GUCY1A1: variants seen among roughly 807,000 people sequenced by gnomAD.
GUCY1A1 encodes the protein guanylate cyclase soluble subunit alpha-1.
A neutral mutation model predicts 64.5 loss-of-function variants in GUCY1A1; 48 were observed. The ratio of observed to expected loss-of-function variants is 0.74; its 90% CI spans 0.59 to 0.95. The LOEUF (loss-of-function observed/expected upper bound fraction) is 0.95. Among genes scored for constraint, GUCY1A1 ranks in the 40% least tolerant of loss-of-function variants. GUCY1A1 has a pLI of 0.00. For missense variants in GUCY1A1, 804 were observed against 825.3 expected (o/e 0.97, Z 0.32); for synonymous variants, 308 against 303.4 (o/e 1.02, Z -0.16).
chr4:155,674,363 A>AG (rs1734592963), intron 2 of GUCY1A1, among the ~76,000 whole-genome samples: 2 of 150,964 alleles, frequency 1.3e-5, no homozygotes, highest in Non-Finnish European at 2.9e-5. Context: ...AAAAAAAAAA[A>AG]AGAAAGAAAG....
rs1421196439 is a variant in GUCY1A1 at position 155,731,228 on chromosome 4, C to T, written c.*997C>T. On this transcript the variant is annotated 3_prime_UTR_variant, in exon 10 of 10. Coordinates refer to ENST00000506455, the MANE Select transcript of GUCY1A1 (RefSeq NM_001130682.3). Reference sequence around the variant, plus strand: ...AGACATCTTCTATTGCCATGCTGAGCTGTTTAAAGTTTTAAGAAGAAAATC... The same window carrying T: ...AGACATCTTCTATTGCCATGCTGAGTTGTTTAAAGTTTTAAGAAGAAAATC... 2 of 151,830 alleles carry T rather than the reference C, an allele frequency of 1.3e-5. No individual in the cohort carries two copies. Among genetic ancestry groups the T allele is most frequent in the African/African-American group, 2.4e-5 (1 of 41,394 alleles). The allele number at this position is 151,830 out of a possible 1,614,324, so 9.4% of individuals were successfully genotyped here.
chr4:155,706,645 A>G (rs1731810667), intron 4 of GUCY1A1, among the ~76,000 whole-genome samples: 1 of 151,756 alleles, frequency 6.6e-6, no homozygotes, highest in African/African-American at 2.4e-5. Context: ...ATATGTATGA[A>G]CTCATGCTGG....
At chr4:155,705,608 C>T (rs1011756078) in intron 4 of GUCY1A1, among the ~76,000 whole-genome samples, 8 of 150,928 alleles carry the variant, frequency 5.3e-5, no homozygotes, top group Non-Finnish European at 1.0e-4. Context: ...TTTATTTGGT[C>T]TATAAATAAT....
chr4:155,667,020 A>G, intron 1 of GUCY1A1, 55 bp downstream of exon 1: 1 of 152,370 alleles, frequency 6.6e-6, no homozygotes, highest in Non-Finnish European at 1.5e-5. Flanking sequence ...GAAGGGGAGG[A>G]GGCGGGCAGA....
At chr4:155,716,775 T>C (rs1454157404) in intron 7 of GUCY1A1, among the ~76,000 whole-genome samples, 4 of 152,114 alleles carry the variant, frequency 2.6e-5, no homozygotes, top group Non-Finnish European at 5.9e-5. Flanking sequence ...GAGGAGGATA[T>C]AAAACGAGTA....
At chr4:155,721,849 C>G (rs1329451744) in intron 8 of GUCY1A1, among the ~76,000 whole-genome samples, 189 bp from the exon 9 acceptor site, 1 of 152,056 alleles carries the variant, frequency 6.6e-6, no homozygotes, top group African/African-American at 2.4e-5. Context: ...AGAAGTGTGA[C>G]TGTTGATTCT....
rs180750206 is a variant in GUCY1A1, at chr4:155,669,275, A to G, written c.-113+1856A>G. Among the ~76,000 whole-genome samples the G allele has an allele frequency of 1.0e-3, 155 of 152,178 alleles. No individual in the cohort carries two copies. The South Asian group carries it at 0.015, about 14-fold the overall frequency. Reference sequence around the variant, plus strand: ...AGGTATATTTATACTTTATATTGTAAGATCTCTTTCTATTATACGACAGAA... The same window carrying G: ...AGGTATATTTATACTTTATATTGTAGGATCTCTTTCTATTATACGACAGAA... On this transcript the variant is annotated intron_variant, in intron 2 of 9. Transcript: ENST00000506455.
intron 3 of GUCY1A1, among the ~76,000 whole-genome samples, chr4:155,698,032 T>A (rs1730636126): frequency 6.6e-6 from 1 of 152,318 alleles, no homozygotes; most frequent in African/African-American, 2.4e-5. Context: ...CTCTACTGTG[T>A]GCAAAGCACC....
intron 8 of GUCY1A1, among the ~76,000 whole-genome samples, chr4:155,719,890 T>C (rs1231463247): frequency 6.6e-6 from 1 of 152,196 alleles, no homozygotes; most frequent in Non-Finnish European, 1.5e-5. Context: ...ATTCAAACTT[T>C]TCCCGGGAGC....
chr4:155,736,933 T>G lies in GUCY1A1; in HGVS notation c.*6702T>G, dbSNP rs1736111368. On this transcript the variant is annotated 3_prime_UTR_variant, in exon 10 of 10. Transcript: ENST00000506455. Reference sequence around the variant, plus strand: ...CTTTAAATGACATATTTATTTCGAGTTTTACTTCTGGCTGAGTTGCAAAGT... The same window carrying G: ...CTTTAAATGACATATTTATTTCGAGGTTTACTTCTGGCTGAGTTGCAAAGT... The G allele has an allele frequency of 6.6e-6, 1 of 151,930 alleles. No homozygotes were observed. Among genetic ancestry groups the G allele is most frequent in the Non-Finnish European group, 1.5e-5 (1 of 67,942 alleles). The allele number at this position is 151,930 out of a possible 1,614,324, so 9.4% of individuals were successfully genotyped here.
chr4:155,696,965 C>T lies in GUCY1A1; in HGVS notation c.98C>T (p.Ala33Val), dbSNP rs1387009331. The stretch of plus-strand genomic sequence containing the variant: ...GTTCCTAACGAGTCTTCAGAGGAGG[C>T]AGCAGGAAGCTCAGAGAGCTGCAAA... ...GQVPNESSEE[A>V]AGSSESCKAT... is the part of the protein sequence containing the mutation. Residue 33 changes from alanine to valine, a missense_variant, in exon 3 of 10, where the codon GCA (alanine) becomes GTA (valine). Coordinates refer to ENST00000506455, the MANE Select transcript of GUCY1A1 (RefSeq NM_001130682.3). The T allele has an allele frequency of 2.5e-6, 4 of 1,613,136 alleles. No homozygotes were observed. The highest frequency in any genetic ancestry group is 1.6e-4 in the Middle Eastern group (1 of 6,082).
chr4:155,702,009 A>ATCATTCATTCAT lies in GUCY1A1; in HGVS notation c.256-1903_256-1892dup, dbSNP rs34961017. The stretch of plus-strand genomic sequence containing the variant: ...GACTTTGAATAGCTGGCAGGTGGAC[A>ATCATTCATTCAT]TCATTCATTCATTCATTCATTCATT... On this transcript the variant is annotated intron_variant, in intron 3 of 9. Coordinates refer to ENST00000506455, the MANE Select transcript of GUCY1A1 (RefSeq NM_001130682.3). Among the ~76,000 whole-genome samples the ATCATTCATTCAT allele has an allele frequency of 6.4e-4, 97 of 150,906 alleles. 1 individual carries two copies. The highest frequency in any genetic ancestry group is 2.3e-3 in the African/African-American group (94 of 41,102).
chr4:155,669,893 G>A (rs1446962112), intron 2 of GUCY1A1, among the ~76,000 whole-genome samples: 1 of 152,044 alleles, frequency 6.6e-6, no homozygotes. Flanking sequence ...TGCTTTACAG[G>A]TTAGTTTAAA....
At chr4:155,682,887 T>G (rs1736006278) in intron 2 of GUCY1A1, among the ~76,000 whole-genome samples, 1 of 152,168 alleles carries the variant, frequency 6.6e-6, no homozygotes, top group African/African-American at 2.4e-5. Context: ...GAAACTCTGA[T>G]TTAGCTTTCT....
chr4:155,701,788 C>G (rs966333621), intron 3 of GUCY1A1, among the ~76,000 whole-genome samples: 3 of 111,948 alleles, frequency 2.7e-5, no homozygotes, highest in African/African-American at 1.0e-4. Context: ...GATGACAGAG[C>G]AAAACTCTAT....
intron 4 of GUCY1A1, among the ~76,000 whole-genome samples, chr4:155,704,392 T>C (rs1579069494): frequency 6.6e-6 from 1 of 152,136 alleles, no homozygotes. Flanking sequence ...TCCCAAACAA[T>C]CAAGACTTCC....
intron 8 of GUCY1A1, among the ~76,000 whole-genome samples, chr4:155,718,741 G>T (rs997145188): frequency 2.0e-5 from 3 of 152,108 alleles, no homozygotes; most frequent in African/African-American, 7.2e-5. Context: ...AACAAGACTG[G>T]TGGAAGCTGC....
In GUCY1A1 at chr4:155,717,310, A is replaced by G; in HGVS notation, c.1716+8A>G. 1 of 1,553,194 alleles carries G rather than the reference A, an allele frequency of 6.4e-7. No homozygotes were observed. The highest frequency in any genetic ancestry group is 8.7e-7 in the Non-Finnish European group (1 of 1,146,250). On this transcript the variant is annotated splice_region_variant and intron_variant, in intron 8 of 9. Transcript: ENST00000506455. ...CATGGAGAACCTATCAAGGTAAGGC[A>G]GATGATATATTGTCCAAAAGATGTC...
chr4:155,679,185 T>TG (rs35558525), intron 2 of GUCY1A1, among the ~76,000 whole-genome samples: 62,781 of 147,996 alleles, frequency 0.42, 14,238 homozygotes, highest in East Asian at 0.78. Flanking sequence ...AAATATTTCA[T>TG]GTTTTTTTTT....
Sources: gnomAD v4.1 joint callset for allele counts (sites outside exome capture counted in the v4.1 genomes callset) on GRCh38, gnomAD v4.1.1 for gene constraint, MANE v1.5 for transcripts, NCBI Gene and HGNC (gene_info 2026-07-23, HGNC 2026-07-21) for gene names.